Variants in PLB1 observed in about 807,000 individuals in gnomAD.
PLB1 encodes the protein phospholipase B1, membrane-associated.
Under a neutral mutation model 227.4 loss-of-function variants are expected in PLB1, and 242 were observed. The observed-to-expected ratio is 1.06, with a 90% CI of 0.96 to 1.18. PLB1 has a LOEUF of 1.18. Among genes scored for constraint, PLB1 ranks in the 50% most tolerant of loss-of-function variants. The pLI is 0.00. For missense variants in PLB1, 1,858 were observed against 1,816.3 expected (o/e 1.02, Z -0.42); for synonymous variants, 757 against 682.2 (o/e 1.11, Z -1.71).
chr2:28,529,670 C>G, intron 7 of PLB1, 58 bp from the exon 8 acceptor site: 1 of 1,540,618 alleles, frequency 6.5e-7, no homozygotes, highest in Non-Finnish European at 9.0e-7. Flanking sequence ...GGCAAGCTTC[C>G]AGCCCTTAAC....
chr2:28,503,632 G>A (rs1667341720), intron 1 of PLB1, among the ~76,000 whole-genome samples: 1 of 152,156 alleles, frequency 6.6e-6, no homozygotes, highest in South Asian at 2.1e-4. Context: ...TTGACTTGGT[G>A]GGTCCCAAAT....
intron 9 of PLB1, among the ~76,000 whole-genome samples, chr2:28,537,075 G>A (rs931470909): frequency 6.6e-6 from 1 of 152,204 alleles, no homozygotes; most frequent in African/African-American, 2.4e-5. Context: ...AGCTCACTTA[G>A]GAGAAAACTA....
chr2:28,625,242 G>A, intron 50 of PLB1, 134 bp downstream of exon 50: 1 of 827,592 alleles, frequency 1.2e-6, no homozygotes, highest in Non-Finnish European at 1.9e-6. Flanking sequence ...CGGAGAAGCA[G>A]TCCTTACCAA....
chr2:28,510,843 G>T (rs762803110), intron 1 of PLB1, among the ~76,000 whole-genome samples: 33 of 149,930 alleles, frequency 2.2e-4, no homozygotes, highest in Admixed American at 6.0e-4. Context: ...GCTTAGGCTG[G>T]TCTTGAATTC....
intron 56 of PLB1, among the ~76,000 whole-genome samples, chr2:28,638,244 G>A (rs1024061701): frequency 6.6e-6 from 1 of 151,926 alleles, no homozygotes; most frequent in Non-Finnish European, 1.5e-5. Context: ...GGGGGAGAGG[G>A]AGGCCTCCCT....
In PLB1 at chr2:28,579,665, G is replaced by C. The variant is rs763767548; in HGVS notation, c.1524G>C (p.Leu508=). The C allele has an allele frequency of 3.1e-6, 5 of 1,613,372 alleles. No individual in the cohort carries two copies. In the Admixed American group the frequency reaches 6.7e-5, roughly 22 times the overall value. ...AGGAAGACTGGAAGATAATAACCCTGTTTATAGGCGGCAATGACCTCTGTG... is the reference window on the plus strand; with the variant it reads ...AGGAAGACTGGAAGATAATAACCCTCTTTATAGGCGGCAATGACCTCTGTG... ...HFQEDWKIIT[L]FIGGNDLCDF... is the part of the protein sequence containing the mutation. Residue 508 remains leucine, a synonymous_variant, in exon 23 of 58, where the codon CTG becomes CTC. Coordinates refer to ENST00000327757, the MANE Select transcript of PLB1 (RefSeq NM_153021.5).
chr2:28,621,602 A>G (rs1040202221), intron 49 of PLB1, among the ~76,000 whole-genome samples: 2 of 152,210 alleles, frequency 1.3e-5, no homozygotes, highest in Non-Finnish European at 2.9e-5. Context: ...GATTTTCTGC[A>G]TGGAGCGTGC....
chr2:28,634,323 G>C (rs1246615007), intron 56 of PLB1, among the ~76,000 whole-genome samples: 2 of 152,084 alleles, frequency 1.3e-5, no homozygotes, highest in Non-Finnish European at 2.9e-5. Flanking sequence ...ATTTTGTTTT[G>C]AAGGCGGTTG....
At position 28,641,149 on chromosome 2, in the gene PLB1, G is replaced by T. The variant is rs538026717; in HGVS notation, c.4173+148G>T. The T allele has an allele frequency of 8.1e-6, 6 of 744,536 alleles. No homozygotes were observed. In the South Asian group the frequency reaches 1.2e-4, roughly 15 times the overall value. The allele number at this position is 744,536 out of a possible 1,614,324, so 46.1% of individuals were successfully genotyped here. A position where few individuals can be genotyped will look rare whatever the true frequency, so the allele number is the denominator to read the frequency against. ...TCTTCTCAAATCCCACCTGTCCCCAGTGCCACGGAAACTTCTCAGTGTGTG... is the reference window on the plus strand; with the variant it reads ...TCTTCTCAAATCCCACCTGTCCCCATTGCCACGGAAACTTCTCAGTGTGTG... On this transcript the variant is annotated intron_variant, in intron 57 of 57. Coordinates refer to ENST00000327757, the MANE Select transcript of PLB1 (RefSeq NM_153021.5).
intron 56 of PLB1, among the ~76,000 whole-genome samples, chr2:28,639,262 G>A (rs1391363164): frequency 6.6e-6 from 1 of 151,828 alleles, no homozygotes; most frequent in African/African-American, 2.4e-5. Context: ...GCTAAGAGAA[G>A]TCAGTGTTTC....
At chr2:28,588,176 G>C (rs1161182614) in intron 26 of PLB1, among the ~76,000 whole-genome samples, 3 of 152,132 alleles carry the variant, frequency 2.0e-5, no homozygotes, top group African/African-American at 7.2e-5. Flanking sequence ...CCATGTGCCA[G>C]GGACTCTACA....
chr2:28,627,667 C>A (rs1434060565), intron 51 of PLB1, among the ~76,000 whole-genome samples: 4 of 152,146 alleles, frequency 2.6e-5, no homozygotes, highest in Admixed American at 6.5e-5. Context: ...AGAAACTCAG[C>A]GAACAGCACT....
chr2:28,584,431 C>T (rs1374459638), intron 25 of PLB1, among the ~76,000 whole-genome samples: 8 of 152,208 alleles, frequency 5.3e-5, no homozygotes, highest in Middle Eastern at 3.2e-3. Flanking sequence ...CTGACTCATC[C>T]GCTGGCTCAC....
At chr2:28,640,897 A>G (rs372352647) in intron 56 of PLB1, 30 bp from the exon 57 acceptor site, 2 of 1,599,134 alleles carry the variant, frequency 1.3e-6, no homozygotes, top group Admixed American at 1.7e-5. Flanking sequence ...AGCTTTGGAG[A>G]GAATCGAGGT....
chr2:28,592,379 T>TCTTCCTTCCCTC (rs1281643470), intron 31 of PLB1, among the ~76,000 whole-genome samples: 1 of 151,080 alleles, frequency 6.6e-6, no homozygotes, highest in Non-Finnish European at 1.5e-5. Context: ...ACCTTTCCCT[T>TCTTCCTTCCCTC]CTTCCTTCCC....
In PLB1 at chr2:28,620,928, C is replaced by CT. The variant is rs1686958810; in HGVS notation, c.3478dup (p.Trp1160LeufsTer17). 1 of 1,613,828 alleles carries CT rather than the reference C, an allele frequency of 6.2e-7. No homozygotes were observed. The highest frequency in any genetic ancestry group is 1.3e-5 in the African/African-American group (1 of 74,874). On this transcript the variant is annotated frameshift_variant, in exon 49 of 58. Coordinates refer to ENST00000327757, the MANE Select transcript of PLB1 (RefSeq NM_153021.5). LOFTEE classifies it high-confidence loss of function. The stretch of plus-strand genomic sequence containing the variant: ...ACCTCCTTGGCTTCTCTACCAGCAC[C>CT]TGGGAGGGGACAGCAGGACTAAATG...
At chr2:28,582,754 A>G (rs1680257126) in intron 25 of PLB1, among the ~76,000 whole-genome samples, 1 of 152,158 alleles carries the variant, frequency 6.6e-6, no homozygotes, top group Non-Finnish European at 1.5e-5. Flanking sequence ...CATGGCAGCC[A>G]CAAGGCACCC....
At position 28,643,025 on chromosome 2, in the gene PLB1, A is replaced by G; in HGVS notation, c.4341A>G (p.Glu1447=). ...VWRCRRGGRR[E]DPPMSLRTVA... Reference sequence around the variant, plus strand: ...GGTGCAGGAGAGGTGGCCGGAGGGAAGATCCTCCAATGAGCCTGCGCACTG... The same window carrying G: ...GGTGCAGGAGAGGTGGCCGGAGGGAGGATCCTCCAATGAGCCTGCGCACTG... The change falls in exon 58 of 58, where the codon GAA becomes GAG. Residue 1447 remains glutamate (E), a synonymous_variant. Coordinates refer to ENST00000327757, the MANE Select transcript of PLB1 (RefSeq NM_153021.5). The G allele has an allele frequency of 3.7e-6, 6 of 1,610,084 alleles. No individual in the cohort carries two copies. Among genetic ancestry groups the G allele is most frequent in the Non-Finnish European group, 5.1e-6 (6 of 1,178,520 alleles).
chr2:28,519,368 G>A (rs1290292101), intron 3 of PLB1, among the ~76,000 whole-genome samples: 1 of 152,228 alleles, frequency 6.6e-6, no homozygotes, highest in Non-Finnish European at 1.5e-5. Context: ...GCCCAGAAAT[G>A]CAGGACTGTG....
Sources: allele counts gnomAD v4.1 joint callset (sites outside exome capture counted in the v4.1 genomes callset), GRCh38; gene constraint gnomAD v4.1.1; transcripts MANE v1.5; gene names NCBI Gene and HGNC (gene_info 2026-07-23, HGNC 2026-07-21).